The following ROBO1 variants were observed in gnomAD, a reference collection of about 807,000 sequenced individuals.
ROBO1 encodes roundabout homolog 1.
In ROBO1, 149 loss-of-function variants were observed where a neutral mutation model predicts 195.9. The ratio of observed to expected loss-of-function variants is 0.76; its 90% CI spans 0.67 to 0.87. ROBO1 has a LOEUF of 0.87. Ranked by LOEUF, ROBO1 falls within the 40% of genes least tolerant of loss-of-function variation. The probability of loss-of-function intolerance (pLI) is 0.00; values close to 1 mark genes in which losing one functional copy is unlikely to be tolerated. For synonymous variants in ROBO1, 816 were observed against 733.2 expected (o/e 1.11, Z -1.82); for missense variants, 1,933 against 2,068.3 (o/e 0.93, Z 1.27).
chr3:79,421,262 C>T (rs759067878), intron 2 of ROBO1, among the ~76,000 whole-genome samples: 24 of 152,080 alleles, frequency 1.6e-4, no homozygotes, highest in Non-Finnish European at 2.6e-4. Flanking sequence ...AAAAAATTAC[C>T]TATTGGGTAC....
At chr3:79,767,625 A>G (rs749863610) in intron 1 of ROBO1, 127 bp downstream of exon 1, 7 of 152,216 alleles carry the variant, frequency 4.6e-5, no homozygotes, top group African/African-American at 7.2e-5. Flanking sequence ...CAATTTCTGG[A>G]TAAACTGCAG....
intron 2 of ROBO1, among the ~76,000 whole-genome samples, chr3:79,327,620 A>C (rs1303322955): frequency 1.3e-5 from 2 of 152,094 alleles, no homozygotes; most frequent in Non-Finnish European, 1.5e-5. Context: ...AAGAACAGGA[A>C]AATAGGTAAT....
intron 2 of ROBO1, among the ~76,000 whole-genome samples, chr3:79,319,973 C>T (rs1046923779): frequency 2.0e-5 from 3 of 151,322 alleles, no homozygotes; most frequent in Admixed American, 2.0e-4. Flanking sequence ...ACTGTATAAC[C>T]AGGGTAGACC....
chr3:79,671,800 C>T (rs1367833496), intron 1 of ROBO1, among the ~76,000 whole-genome samples: 1 of 151,738 alleles, frequency 6.6e-6, no homozygotes, highest in Non-Finnish European at 1.5e-5. Flanking sequence ...ACACAGTAAA[C>T]AATAACAGAT....
chr3:79,730,892 C>T (rs1240421609), intron 1 of ROBO1, among the ~76,000 whole-genome samples: 1 of 150,624 alleles, frequency 6.6e-6, no homozygotes, highest in Non-Finnish European at 1.5e-5. Context: ...ATTCTCCTGC[C>T]TCAGCCTTCC....
At chr3:79,714,859 G>T (rs1335288997) in intron 1 of ROBO1, among the ~76,000 whole-genome samples, 1 of 119,050 alleles carries the variant, frequency 8.4e-6, no homozygotes, top group East Asian at 2.4e-4. Flanking sequence ...GGGGTGGGGG[G>T]AGGGGGGAGG....
At chr3:78,749,262 A>G (rs1188372400) in intron 4 of ROBO1, among the ~76,000 whole-genome samples, 1 of 152,128 alleles carries the variant, frequency 6.6e-6, no homozygotes, top group Admixed American at 6.6e-5. Context: ...CTTAAAACCA[A>G]TTTGGTAATG....
chr3:78,885,194 T>C (rs432141), intron 4 of ROBO1, among the ~76,000 whole-genome samples: 46,429 of 151,284 alleles, frequency 0.31, 7,264 homozygotes, highest in Non-Finnish European at 0.34. Flanking sequence ...CACTTATAGG[T>C]GGAAACTAAA....
intron 2 of ROBO1, among the ~76,000 whole-genome samples, chr3:79,436,142 T>C (rs1161709395): frequency 6.6e-6 from 1 of 152,166 alleles, no homozygotes; most frequent in Non-Finnish European, 1.5e-5. Flanking sequence ...ATCCTATAGA[T>C]CATGGTTTCA....
At chr3:78,756,558 T>C (rs1311150922) in intron 4 of ROBO1, among the ~76,000 whole-genome samples, 1 of 152,122 alleles carries the variant, frequency 6.6e-6, no homozygotes, top group Non-Finnish European at 1.5e-5. Flanking sequence ...CACACTATAT[T>C]TGGTGATGGT....
At chr3:79,632,728 C>G (rs919045322) in intron 1 of ROBO1, among the ~76,000 whole-genome samples, 10 of 152,036 alleles carry the variant, frequency 6.6e-5, no homozygotes, top group Non-Finnish European at 1.5e-4. Flanking sequence ...ATGTGTTAAG[C>G]ATCTACTTCA....
intron 4 of ROBO1, among the ~76,000 whole-genome samples, chr3:78,765,941 C>T (rs180672319): frequency 1.2e-3 from 177 of 152,234 alleles, no homozygotes; most frequent in African/African-American, 4.2e-3. Flanking sequence ...TCAAATTGTA[C>T]AGAAATTCCC....
intron 1 of ROBO1, among the ~76,000 whole-genome samples, chr3:79,679,127 C>T (rs532461613): frequency 2.0e-5 from 3 of 152,002 alleles, no homozygotes; most frequent in African/African-American, 7.2e-5. Flanking sequence ...CAATTAGTAA[C>T]ATTTTGATAT....
At chr3:79,367,623 G>T (rs1010758983) in intron 2 of ROBO1, among the ~76,000 whole-genome samples, 1 of 152,086 alleles carries the variant, frequency 6.6e-6, no homozygotes, top group South Asian at 2.1e-4. Context: ...ATAAAACATG[G>T]ATGATTATAA....
chr3:78,748,313 T>C (rs1275522526), intron 4 of ROBO1, among the ~76,000 whole-genome samples: 1 of 152,036 alleles, frequency 6.6e-6, no homozygotes, highest in Non-Finnish European at 1.5e-5. Flanking sequence ...GGCACAGTGA[T>C]GCATGCCTGT....
chr3:78,631,453 A>G, intron 24 of ROBO1, 148 bp from the exon 25 acceptor site: 1 of 945,118 alleles, frequency 1.1e-6, no homozygotes, highest in South Asian at 2.1e-5. Context: ...TTTAAACAGA[A>G]CTTTGTACAA....
At chr3:79,080,526 C>T (rs1559644400) in intron 3 of ROBO1, among the ~76,000 whole-genome samples, 1 of 151,800 alleles carries the variant, frequency 6.6e-6, no homozygotes. Flanking sequence ...TATTTAAAAT[C>T]CTGCCTTAAA....
intron 2 of ROBO1, among the ~76,000 whole-genome samples, chr3:79,489,361 A>G (rs1166927388): frequency 6.6e-6 from 1 of 152,196 alleles, no homozygotes; most frequent in African/African-American, 2.4e-5. Context: ...TGTTAAGAAA[A>G]TAGGTAATTA....
chr3:79,721,293 A>G (rs1702689256), intron 1 of ROBO1, among the ~76,000 whole-genome samples: 1 of 152,210 alleles, frequency 6.6e-6, no homozygotes, highest in African/African-American at 2.4e-5. Flanking sequence ...TTCTTTTTAA[A>G]TAGAGAAACA....
Sources: gnomAD v4.1 joint callset for allele counts (sites outside exome capture counted in the v4.1 genomes callset) on GRCh38, gnomAD v4.1.1 for gene constraint, MANE v1.5 for transcripts, NCBI Gene and HGNC (gene_info 2026-07-23, HGNC 2026-07-21) for gene names.